The following PIK3C2G variants were observed in gnomAD, a reference collection of about 807,000 sequenced individuals.
PIK3C2G encodes phosphatidylinositol-4-phosphate 3-kinase catalytic subunit type 2 gamma.
PIK3C2G carries 168 observed loss-of-function variants against 181.1 expected under a neutral mutation model. That is an observed-to-expected ratio of 0.93 (90% CI 0.82 to 1.05). The LOEUF (loss-of-function observed/expected upper bound fraction) is 1.05. Ranked by LOEUF, PIK3C2G falls within the 50% of genes least tolerant of loss-of-function variation. PIK3C2G has a pLI of 0.00. For synonymous variants in PIK3C2G, 573 were observed against 592.2 expected (o/e 0.97, Z 0.47); for missense variants, 1,869 against 1,732.8 (o/e 1.08, Z -1.40).
At chr12:18,417,255 T>C (rs1328900065) in intron 16 of PIK3C2G, among the ~76,000 whole-genome samples, 1 of 151,724 alleles carries the variant, frequency 6.6e-6, no homozygotes, top group Non-Finnish European at 1.5e-5. Flanking sequence ...CAAAAAAGAG[T>C]GGTTTCTTGA....
At chr12:18,555,370 G>T (rs1944950656) in intron 26 of PIK3C2G, among the ~76,000 whole-genome samples, 1 of 152,026 alleles carries the variant, frequency 6.6e-6, no homozygotes, top group Non-Finnish European at 1.5e-5. Flanking sequence ...TTTAATTTGA[G>T]AAAAAATAAT....
intron 13 of PIK3C2G, among the ~76,000 whole-genome samples, chr12:18,377,667 T>C (rs554580775): frequency 6.6e-6 from 1 of 152,304 alleles, no homozygotes; most frequent in South Asian, 2.1e-4. Context: ...ACATAAACTC[T>C]GGTGTTCTTT....
At chr12:18,650,117 C>T (rs1157263362), downstream of PIK3C2G, among the ~76,000 whole-genome samples, 2 of 151,988 alleles carry the variant, frequency 1.3e-5, no homozygotes, top group African/African-American at 4.8e-5. Context: ...CTCAATATTC[C>T]CTTGAATTGC....
intron 2 of PIK3C2G, among the ~76,000 whole-genome samples, chr12:18,283,022 A>G (rs1949289970): frequency 6.6e-6 from 1 of 152,092 alleles, no homozygotes; most frequent in African/African-American, 2.4e-5. Context: ...GGTTTTAGTT[A>G]TGGTACCTTC....
chr12:18,630,897 G>T (rs1178442500), intron 31 of PIK3C2G, among the ~76,000 whole-genome samples: 3 of 151,970 alleles, frequency 2.0e-5, no homozygotes, highest in Non-Finnish European at 4.4e-5. Flanking sequence ...CTTATATTGA[G>T]GATCAGACTG....
At chr12:18,462,390 C>T (rs984692907) in intron 18 of PIK3C2G, among the ~76,000 whole-genome samples, 1 of 150,918 alleles carries the variant, frequency 6.6e-6, no homozygotes, top group African/African-American at 2.4e-5. Flanking sequence ...GAGCACCATA[C>T]AAAAAAAAAT....
intron 32 of PIK3C2G, among the ~76,000 whole-genome samples, chr12:18,642,371 C>G (rs1949886104): frequency 6.6e-6 from 1 of 152,174 alleles, no homozygotes; most frequent in African/African-American, 2.4e-5. Flanking sequence ...AAAGGCAATT[C>G]TTCCTCCACT....
intron 24 of PIK3C2G, among the ~76,000 whole-genome samples, chr12:18,507,421 C>T (rs1941905670): frequency 1.3e-5 from 2 of 152,040 alleles, no homozygotes; most frequent in Non-Finnish European, 2.9e-5. Context: ...TATGCATTTA[C>T]CATGAAAGTT....
exon 1 of PIK3C2G, chr12:18,247,746 C>T (rs12307251): frequency 6.6e-6 from 1 of 152,128 alleles, no homozygotes; most frequent in Non-Finnish European, 1.5e-5. Context: ...AAGATGGAGC[C>T]GCCATCTTGA....
intron 5 of PIK3C2G, among the ~76,000 whole-genome samples, chr12:18,297,461 T>C (rs951908777): frequency 2.6e-5 from 4 of 152,098 alleles, no homozygotes; most frequent in African/African-American, 7.2e-5. Flanking sequence ...GATATCTACA[T>C]AGAATGTATA....
At chr12:18,562,923 G>A (rs780500658) in intron 27 of PIK3C2G, 31 bp downstream of exon 27, 144 of 1,442,452 alleles carry the variant, frequency 1.0e-4, no homozygotes, top group Middle Eastern at 1.7e-4. Context: ...CTTGACTTAC[G>A]TATCACTTGA....
At chr12:18,696,748 G>T in the PIK3C2G span, among the ~76,000 whole-genome samples, 1 of 151,972 alleles carries the variant, frequency 6.6e-6, no homozygotes, top group Non-Finnish European at 1.5e-5. Flanking sequence ...CATTTCACAG[G>T]TTCTCAGGGT....
intron 11 of PIK3C2G, among the ~76,000 whole-genome samples, chr12:18,356,295 A>G (rs1276126023): frequency 6.6e-6 from 1 of 152,146 alleles, no homozygotes; most frequent in East Asian, 1.9e-4. Context: ...TGACCCCTTC[A>G]CAGGATTCAT....
chr12:18,362,657 G>A, intron 11 of PIK3C2G, 107 bp from the exon 12 acceptor site: 1 of 766,654 alleles, frequency 1.3e-6, no homozygotes, highest in Non-Finnish European at 1.9e-6. Flanking sequence ...TATGCAAGCA[G>A]TCATCACTTT....
At chr12:18,311,704 A>G (rs1950645457) in intron 5 of PIK3C2G, among the ~76,000 whole-genome samples, 1 of 152,130 alleles carries the variant, frequency 6.6e-6, no homozygotes, top group Non-Finnish European at 1.5e-5. Context: ...TCTGTAATTT[A>G]TAGATACTAG....
chr12:18,358,779 G>C (rs1565633534), intron 11 of PIK3C2G: 1 of 326,644 alleles, frequency 3.1e-6, no homozygotes, highest in Non-Finnish European at 6.0e-6. Context: ...TAAAATGGGG[G>C]CTTTGGAAAA....
intron 11 of PIK3C2G, among the ~76,000 whole-genome samples, chr12:18,361,399 T>C (rs572935936): frequency 6.6e-6 from 1 of 152,302 alleles, no homozygotes; most frequent in South Asian, 2.1e-4. Context: ...ACTTGATTTG[T>C]TTTGTTCCTT....
intron 18 of PIK3C2G, among the ~76,000 whole-genome samples, chr12:18,425,998 C>A (rs901236371): frequency 2.6e-5 from 4 of 152,154 alleles, no homozygotes; most frequent in Non-Finnish European, 5.9e-5. Context: ...GATTTAAAGT[C>A]TTTGTCATCA....
chr12:18,265,328 T>C (rs1004190036), intron 1 of PIK3C2G, among the ~76,000 whole-genome samples: 2 of 152,244 alleles, frequency 1.3e-5, no homozygotes, highest in East Asian at 3.9e-4. Flanking sequence ...CAAAATTAAA[T>C]GCAAAACAAA....
Sources: gnomAD v4.1 joint callset for allele counts (sites outside exome capture counted in the v4.1 genomes callset) on GRCh38, gnomAD v4.1.1 for gene constraint, MANE v1.5 for transcripts, NCBI Gene and HGNC (gene_info 2026-07-23, HGNC 2026-07-21) for gene names.